NKAIN2: variants seen among roughly 807,000 people sequenced by gnomAD.
NKAIN2 encodes the protein sodium/potassium-transporting ATPase subunit beta-1-interacting protein 2.
NKAIN2 carries 14 observed loss-of-function variants against 32.6 expected under a neutral mutation model. That is an observed-to-expected ratio of 0.43 (90% CI 0.28 to 0.67). NKAIN2 has a LOEUF of 0.67. Among genes scored for constraint, NKAIN2 ranks in the 30% least tolerant of loss-of-function variants. NKAIN2 has a pLI of 0.17. For synonymous variants in NKAIN2, 80 were observed against 87.2 expected, an observed-to-expected ratio of 0.92 and a Z score of 0.46; for missense variants, 198 against 258.3, an observed-to-expected ratio of 0.77 and a Z score of 1.60.
intron 1 of NKAIN2, among the ~76,000 whole-genome samples, chr6:124,002,192 G>A (rs991845223): frequency 6.6e-5 from 10 of 151,848 alleles, no homozygotes; most frequent in Admixed American, 3.9e-4. Context: ...CTCATCCTTC[G>A]GGCACTCTCT....
chr6:124,640,215 A>G (rs986702482), intron 3 of NKAIN2, among the ~76,000 whole-genome samples: 7 of 152,128 alleles, frequency 4.6e-5, no homozygotes, highest in Non-Finnish European at 7.4e-5. Context: ...TTTCCTATTC[A>G]GGGACAATAG....
intron 1 of NKAIN2, among the ~76,000 whole-genome samples, chr6:123,920,801 AT>A (rs1301398473): frequency 6.6e-6 from 1 of 152,236 alleles, no homozygotes; most frequent in Non-Finnish European, 1.5e-5. Context: ...CAAGAAATGA[AT>A]CATATCTGCA....
chr6:124,810,348 T>C (rs866852294), intron 5 of NKAIN2, among the ~76,000 whole-genome samples: 9 of 151,860 alleles, frequency 5.9e-5, no homozygotes, highest in South Asian at 2.1e-4. Flanking sequence ...ATGGATGAAA[T>C]TGGAAATCAT....
chr6:124,788,609 A>T (rs981366114), intron 4 of NKAIN2, among the ~76,000 whole-genome samples: 8 of 152,098 alleles, frequency 5.3e-5, no homozygotes, highest in African/African-American at 1.9e-4. Context: ...AGAAAAGTCC[A>T]GTATAAAACC....
chr6:124,137,274 A>T (rs1398703853), intron 1 of NKAIN2, among the ~76,000 whole-genome samples: 1 of 152,110 alleles, frequency 6.6e-6, no homozygotes, highest in Non-Finnish European at 1.5e-5. Context: ...GGAAAAAAGT[A>T]TAAATTACTT....
In NKAIN2 at chr6:124,644,956, G is replaced by A. The variant is rs529333679; in HGVS notation, c.274-13230G>A. Among the ~76,000 whole-genome samples the A allele has an allele frequency of 2.0e-5, 3 of 152,254 alleles. No homozygotes were observed. In the South Asian group the frequency reaches 6.2e-4, roughly 31 times the overall value. ...TTGAATATGTGCACATACACACAGA[G>A]ACTTCTTGTTTAAATGTCTACAGGA... is the stretch of plus-strand genomic sequence containing the variant. On this transcript the variant is annotated intron_variant, in intron 3 of 6. Coordinates refer to ENST00000368417, the MANE Select transcript of NKAIN2 (RefSeq NM_001040214.3).
At chr6:124,342,500 T>C (rs189937559) in intron 2 of NKAIN2, among the ~76,000 whole-genome samples, 2 of 151,980 alleles carry the variant, frequency 1.3e-5, no homozygotes, top group East Asian at 3.9e-4. Flanking sequence ...AACAAGTCTT[T>C]TTTTGTTGTT....
Position 124,088,048 on chromosome 6 carries a change from C to T in NKAIN2, c.55-194957C>T, listed in dbSNP as rs189162343. On this transcript the variant is annotated intron_variant, in intron 1 of 6. Transcript: ENST00000368417. Reference sequence around the variant, plus strand: ...AGGATTTCTTTCAGAATAAGCAGTGCACGTTAGAGTCTCACAACCTTAACA... The same window carrying T: ...AGGATTTCTTTCAGAATAAGCAGTGTACGTTAGAGTCTCACAACCTTAACA... Among the ~76,000 whole-genome samples the T allele has an allele frequency of 5.7e-3, 866 of 152,044 alleles. 8 individuals are homozygous for T. Among genetic ancestry groups the T allele is most frequent in the African/African-American group, 0.02 (818 of 41,492 alleles).
At chr6:124,699,890 A>T (rs1302850529) in intron 4 of NKAIN2, among the ~76,000 whole-genome samples, 1 of 152,174 alleles carries the variant, frequency 6.6e-6, no homozygotes, top group East Asian at 1.9e-4. Context: ...CTACATTCTG[A>T]TGGGAAGGGT....
At chr6:124,095,716 A>G (rs1438107936) in intron 1 of NKAIN2, among the ~76,000 whole-genome samples, 3 of 152,150 alleles carry the variant, frequency 2.0e-5, no homozygotes, top group Non-Finnish European at 4.4e-5. Context: ...TAAACACTAA[A>G]TATCTCCCTA....
chr6:124,762,129 T>C (rs1276249262), intron 4 of NKAIN2, among the ~76,000 whole-genome samples: 2 of 152,194 alleles, frequency 1.3e-5, no homozygotes, highest in Admixed American at 6.5e-5. Flanking sequence ...AACAGATATT[T>C]ATTTTCTCAT....
At chr6:123,981,071 G>A (rs1464747312) in intron 1 of NKAIN2, among the ~76,000 whole-genome samples, 1 of 152,084 alleles carries the variant, frequency 6.6e-6, no homozygotes, top group Non-Finnish European at 1.5e-5. Context: ...GTTTCACCAT[G>A]TTGGCCAGGA....
chr6:124,753,796 T>A (rs1472748000), intron 4 of NKAIN2, among the ~76,000 whole-genome samples: 2 of 152,010 alleles, frequency 1.3e-5, no homozygotes, highest in East Asian at 3.9e-4. Flanking sequence ...TTGGGGTTAA[T>A]GGGATAAAAT....
intron 3 of NKAIN2, among the ~76,000 whole-genome samples, chr6:124,408,199 A>C (rs1036652501): frequency 8.6e-5 from 13 of 152,044 alleles, no homozygotes; most frequent in East Asian, 3.9e-4. Flanking sequence ...TCTTTAGTTT[A>C]ATTAGATCCC....
intron 3 of NKAIN2, among the ~76,000 whole-genome samples, chr6:124,450,601 A>C (rs868004205): frequency 2.6e-5 from 4 of 151,810 alleles, no homozygotes; most frequent in Admixed American, 6.6e-5. Context: ...ATTCTTAACA[A>C]TAGAAATTGA....
At chr6:124,430,285 C>T (rs1300382461) in intron 3 of NKAIN2, among the ~76,000 whole-genome samples, 1 of 152,178 alleles carries the variant, frequency 6.6e-6, no homozygotes, top group Non-Finnish European at 1.5e-5. Flanking sequence ...ATAATGGAAT[C>T]ATTCTCACTT....
chr6:124,605,498 A>G (rs975266481), intron 3 of NKAIN2, among the ~76,000 whole-genome samples: 6 of 152,098 alleles, frequency 3.9e-5, no homozygotes, highest in Non-Finnish European at 7.4e-5. Flanking sequence ...CACATTTTCC[A>G]TAATTCCAAA....
At chr6:123,850,468 T>C (rs541710517) in intron 1 of NKAIN2, among the ~76,000 whole-genome samples, 54 of 152,124 alleles carry the variant, frequency 3.5e-4, no homozygotes, top group African/African-American at 1.3e-3. Flanking sequence ...GCAGTTAGAA[T>C]TGAGGCAATG....
At chr6:124,515,995 T>C (rs1289476179) in intron 3 of NKAIN2, among the ~76,000 whole-genome samples, 4 of 152,168 alleles carry the variant, frequency 2.6e-5, no homozygotes, top group African/African-American at 7.2e-5. Flanking sequence ...TTTTCATAGT[T>C]ATGCGATGAT....
Sources: allele counts gnomAD v4.1 joint callset (sites outside exome capture counted in the v4.1 genomes callset), GRCh38; gene constraint gnomAD v4.1.1; transcripts MANE v1.5; gene names NCBI Gene and HGNC (gene_info 2026-07-23, HGNC 2026-07-21).